NSD1: variants seen among roughly 807,000 people sequenced by gnomAD.
NSD1 encodes histone-lysine N-methyltransferase, H3 lysine-36 specific.
Under a neutral mutation model 242.7 loss-of-function variants are expected in NSD1, and 26 were observed. The observed-to-expected ratio is 0.11, with a 90% CI of 0.08 to 0.15. The LOEUF is 0.15. Ranked by LOEUF, NSD1 falls within the 10% of genes least tolerant of loss-of-function variation. NSD1 has a pLI of 1.00. For synonymous variants in NSD1, 1,106 were observed against 1,178.1 expected (o/e 0.94, Z 1.25); for missense variants, 2,495 against 3,272.8 (o/e 0.76, Z 5.80).
intron 2 of NSD1, among the ~76,000 whole-genome samples, chr5:177,179,981 A>G (rs1038678346): frequency 2.0e-5 from 3 of 151,996 alleles, no homozygotes; most frequent in Admixed American, 6.6e-5. Context: ...GCTGACTGCA[A>G]TCTCCACCTC....
chr5:177,204,382 T>C (rs2149836565), intron 4 of NSD1, 90 bp downstream of exon 4: 1 of 1,233,062 alleles, frequency 8.1e-7, no homozygotes, highest in East Asian at 2.5e-5. Flanking sequence ...GAGACAGAAC[T>C]TTGCTCTGTT....
intron 2 of NSD1, among the ~76,000 whole-genome samples, chr5:177,165,489 A>T (rs1021923090): frequency 1.3e-5 from 2 of 152,004 alleles, no homozygotes; most frequent in South Asian, 2.1e-4. Context: ...CCTTTTTTTT[A>T]AATTGTAAGA....
chr5:177,264,794 G>A, intron 14 of NSD1: 1 of 747,932 alleles, frequency 1.3e-6, no homozygotes, highest in Non-Finnish European at 2.5e-6. Flanking sequence ...AAGAGGAGAG[G>A]CACCCAGTAC....
Position 177,282,553 on chromosome 5 carries a change from C to G in NSD1, c.5981C>G (p.Thr1994Ser), listed in dbSNP as rs1377301421. Residue 1994 changes from threonine (T) to serine (S), a missense_variant, in exon 19 of 23, where the codon ACT (threonine) becomes AGT (serine). Thr to Ser is a moderately conservative substitution (Grantham distance 58). Coordinates refer to ENST00000439151, the MANE Select transcript of NSD1 (RefSeq NM_022455.5). ...RIRYAQEHDI[T>S]NFYMLTLDKD... is the part of the protein sequence containing the mutation. ...CGCTATGCTCAAGAACATGATATCA[C>G]TAATTTCTATATGCTCACCCTAGAC... 6.2e-7 allele frequency: 1 copy of G among 1,611,264 alleles called. No individual in the cohort carries two copies. Among genetic ancestry groups the G allele is most frequent in the Admixed American group, 1.7e-5 (1 of 60,022 alleles).
At chr5:177,264,667 CAA>C (rs1757273341) in intron 14 of NSD1, 2 of 481,608 alleles carry the variant, frequency 4.2e-6, no homozygotes, top group Admixed American at 6.0e-5. Context: ...CCAACAAAAA[CAA>C]ATAAAACTCC....
At chr5:177,181,436 T>G (rs1760674344) in intron 2 of NSD1, among the ~76,000 whole-genome samples, 1 of 145,834 alleles carries the variant, frequency 6.9e-6, no homozygotes, top group African/African-American at 2.6e-5. Flanking sequence ...GGTTTTTTTT[T>G]TTTTTTTTTG....
At position 177,211,997 on chromosome 5, in the gene NSD1, C is replaced by T. The variant is rs367995675; in HGVS notation, c.3598C>T (p.Arg1200Trp). Reference sequence around the variant, plus strand: ...TCCTAGTGACCCTGTGCAGGAGGGGCGGGATGAGTTTCCAGAGCATAGAAC... The same window carrying T: ...TCCTAGTGACCCTGTGCAGGAGGGGTGGGATGAGTTTCCAGAGCATAGAAC... The part of the protein sequence containing the change: ...LLPSDPVQEG[R>W]DEFPEHRTPS... Residue 1200 changes from arginine (R) to tryptophan (W), a missense_variant, in exon 5 of 23, where the codon CGG (arginine) becomes TGG (tryptophan). Coordinates refer to ENST00000439151, the MANE Select transcript of NSD1 (RefSeq NM_022455.5). The T allele has an allele frequency of 1.1e-5, 17 of 1,613,450 alleles. No individual in the cohort carries two copies. Among genetic ancestry groups the T allele is most frequent in the African/African-American group, 2.7e-5 (2 of 74,844 alleles).
intron 14 of NSD1, chr5:177,265,878 A>C (rs971730842): frequency 6.8e-7 from 1 of 1,475,962 alleles, no homozygotes; most frequent in Admixed American, 1.7e-5. Context: ...ACTTGCAGGC[A>C]GAACGGGGAG....
At position 177,210,238 on chromosome 5, in the gene NSD1, G is replaced by A. The variant is rs1420168116; in HGVS notation, c.1839G>A (p.Leu613=). ...AGAAGAATAAACCCCAACGAAGCCT[G>A]GTGTGTGGTTCAAAAGTGAAGCTCT... ...SREKNKPQRS[L]VCGSKVKLCY... The change falls in exon 5 of 23, where the codon CTG becomes CTA. Residue 613 remains leucine (L), a synonymous_variant. Transcript: ENST00000439151. 1.8e-5 allele frequency: 28 copies of A among 1,598,022 alleles called. No homozygotes were observed. Among genetic ancestry groups the A allele is most frequent in the South Asian group, 1.5e-4 (13 of 88,808 alleles).
intron 2 of NSD1, among the ~76,000 whole-genome samples, chr5:177,162,955 A>G (rs1758878235): frequency 6.6e-6 from 1 of 151,860 alleles, no homozygotes; most frequent in Admixed American, 6.6e-5. Flanking sequence ...ATGAGCCACT[A>G]TGTTCAGCCA....
chr5:177,203,692 T>C (rs1762664168), intron 3 of NSD1, among the ~76,000 whole-genome samples: 1 of 151,652 alleles, frequency 6.6e-6, no homozygotes, highest in South Asian at 2.1e-4. Flanking sequence ...CTTCTTTATA[T>C]TAGCCTAGTG....
chr5:177,289,835 T>G (rs1324765875), intron 21 of NSD1, among the ~76,000 whole-genome samples: 1 of 109,296 alleles, frequency 9.1e-6, no homozygotes, highest in Non-Finnish European at 1.8e-5. Context: ...TTGTTTTGTG[T>G]TTTTTTTTTT....
rs749439452 is a variant in NSD1 at position 177,135,530 on chromosome 5, A to G, written c.427A>G (p.Thr143Ala). The G allele has an allele frequency of 6.2e-7, 1 of 1,614,228 alleles. No homozygotes were observed. The highest frequency in any genetic ancestry group is 1.1e-5 in the South Asian group (1 of 91,088). The change falls in exon 2 of 23, where the codon ACA (threonine) becomes GCA (alanine). Residue 143 changes from threonine (T) to alanine (A), a missense_variant. Coordinates refer to ENST00000439151, the MANE Select transcript of NSD1 (RefSeq NM_022455.5). ...NNSPELQVKV[T>A]KTIKNGFLHF... ...CTCCCCTGAACTCCAGGTAAAAGTA[A>G]CAAAGACTATCAAGAATGGCTTTCT...
chr5:177,185,733 ATATT>A (rs1761067481), intron 2 of NSD1, among the ~76,000 whole-genome samples: 1 of 108,256 alleles, frequency 9.2e-6, no homozygotes, highest in Admixed American at 1.4e-4. Context: ...TATATTATAT[ATATT>A]TTATATATTA....
chr5:177,159,054 A>ATATATATATAT (rs1562132770), intron 2 of NSD1, among the ~76,000 whole-genome samples: 2 of 130,850 alleles, frequency 1.5e-5, no homozygotes, highest in Admixed American at 7.3e-5. Flanking sequence ...TATATGAATG[A>ATATATATATAT]ATGAATGAGA....
chr5:177,162,723 C>G (rs2149790604), intron 2 of NSD1, among the ~76,000 whole-genome samples: 1 of 152,156 alleles, frequency 6.6e-6, no homozygotes, highest in Non-Finnish European at 1.5e-5. Context: ...CTCTGTCATG[C>G]AGGCTGGACT....
chr5:177,152,662 C>T (rs2149779024), intron 2 of NSD1, among the ~76,000 whole-genome samples: 1 of 151,658 alleles, frequency 6.6e-6, no homozygotes, highest in East Asian at 1.9e-4. Context: ...ACTGGGGTTT[C>T]ACCATGTTAG....
At chr5:177,171,459 T>TA (rs1759705302) in intron 2 of NSD1, among the ~76,000 whole-genome samples, 1 of 152,220 alleles carries the variant, frequency 6.6e-6, no homozygotes, top group Admixed American at 6.5e-5. Context: ...AGACTTTTGT[T>TA]ACTGTTTTTT....
chr5:177,224,916 C>A (rs562524862), intron 5 of NSD1, among the ~76,000 whole-genome samples: 2 of 151,780 alleles, frequency 1.3e-5, no homozygotes, highest in African/African-American at 4.8e-5. Context: ...GACAATTTTG[C>A]GTTTCCCCCT....
Sources: allele counts gnomAD v4.1 joint callset (sites outside exome capture counted in the v4.1 genomes callset), GRCh38; gene constraint gnomAD v4.1.1; transcripts MANE v1.5; gene names NCBI Gene and HGNC (gene_info 2026-07-23, HGNC 2026-07-21).